PPIL6: variants seen among roughly 807,000 people sequenced by gnomAD.
PPIL6 encodes the protein peptidylprolyl isomerase like 6, also known as probable inactive peptidyl-prolyl cis-trans isomerase-like 6.
Under a neutral mutation model 36.8 loss-of-function variants are expected in PPIL6, and 39 were observed. The observed-to-expected ratio is 1.06, with a 90% CI of 0.82 to 1.38. The LOEUF (loss-of-function observed/expected upper bound fraction) is 1.38, where lower values mean the gene tolerates loss of function less well. Ranked by LOEUF, PPIL6 falls within the 40% of genes most tolerant of loss-of-function variation. PPIL6 has a pLI of 0.00. For synonymous variants in PPIL6, 123 were observed against 134.1 expected, an observed-to-expected ratio of 0.92 and a Z score of 0.57; for missense variants, 368 against 379.1, an observed-to-expected ratio of 0.97 and a Z score of 0.24.
chr6:109,439,179 A>G (rs1414022969), intron 1 of PPIL6, among the ~76,000 whole-genome samples: 1 of 152,238 alleles, frequency 6.6e-6, no homozygotes, highest in African/African-American at 2.4e-5. Context: ...GAGCGAAAAA[A>G]AAGAGAAAAA....
At chr6:109,401,727 T>C (rs1278980446) in intron 6 of PPIL6, among the ~76,000 whole-genome samples, 1 of 106,192 alleles carries the variant, frequency 9.4e-6, no homozygotes, top group Non-Finnish European at 1.8e-5. Flanking sequence ...AGAGAGTTTT[T>C]CTTTTTTTTT....
At chr6:109,405,884 C>T (rs968954148) in intron 6 of PPIL6, among the ~76,000 whole-genome samples, 8 of 152,156 alleles carry the variant, frequency 5.3e-5, no homozygotes, top group African/African-American at 1.7e-4. Flanking sequence ...ATGTATGTTT[C>T]GTGACCATTT....
intron 1 of PPIL6, 183 bp downstream of exon 1, chr6:109,440,272 GC>G (rs1365962682): frequency 2.7e-6 from 2 of 751,054 alleles, no homozygotes; most frequent in Non-Finnish European, 4.5e-6. Flanking sequence ...ACCCGCACTT[GC>G]CCCCCTATAC....
chr6:109,403,593 GAAC>G (rs1327678304), intron 6 of PPIL6, among the ~76,000 whole-genome samples: 2 of 151,954 alleles, frequency 1.3e-5, no homozygotes, highest in Non-Finnish European at 2.9e-5. Context: ...GTATGTGTGG[GAAC>G]AACCTACACA....
intron 1 of PPIL6, 74 bp downstream of exon 1, chr6:109,440,382 G>T: frequency 6.7e-7 from 1 of 1,498,870 alleles, no homozygotes; most frequent in South Asian, 1.2e-5. Flanking sequence ...GAGGAGGCGC[G>T]GCGCCTGCAG....
At chr6:109,440,784 G>A (rs1222082389), upstream of PPIL6, 8 of 341,076 alleles carry the variant, frequency 2.3e-5, no homozygotes, top group Admixed American at 5.1e-5. Flanking sequence ...CGCCGGGGAC[G>A]AGCTTGGAGG....
intron 5 of PPIL6, among the ~76,000 whole-genome samples, chr6:109,424,517 C>A (rs1353087533): frequency 6.6e-6 from 1 of 152,164 alleles, no homozygotes; most frequent in Non-Finnish European, 1.5e-5. Flanking sequence ...TCTACATAGT[C>A]CCGTGGTATC....
intron 7 of PPIL6, among the ~76,000 whole-genome samples, 189 bp downstream of exon 7, chr6:109,399,846 C>A (rs1772454981): frequency 6.6e-6 from 1 of 152,174 alleles, no homozygotes; most frequent in South Asian, 2.1e-4. Flanking sequence ...TGGCCAGTTT[C>A]TGTGTTTTTA....
intron 3 of PPIL6, among the ~76,000 whole-genome samples, chr6:109,427,457 C>T (rs909341702): frequency 3.3e-5 from 5 of 152,128 alleles, no homozygotes; most frequent in Non-Finnish European, 1.5e-5. Flanking sequence ...CATCTTGGCT[C>T]ATTGCAGCCT....
rs1239692123 is a variant in PPIL6 at position 109,413,198 on chromosome 6, T to G, written c.688+5989A>C. Among the ~76,000 whole-genome samples the G allele has an allele frequency of 2.6e-5, 4 of 151,932 alleles. No individual in the cohort carries two copies. Among genetic ancestry groups the G allele is most frequent in the Admixed American group, 2.6e-4 (4 of 15,244 alleles). On this transcript the variant is annotated intron_variant, in intron 6 of 7. Transcript: ENST00000521072. This position sits in a 1 kb window ranked among gnomAD's most constrained non-coding sequence, Gnocchi z 4.6. ...ACAAACAAAAACCCACAGAAAATAT[T>G]TGCAAACTACCCATCTGACGAGGGA... is the stretch of plus-strand genomic sequence containing the variant.
Position 109,391,012 on chromosome 6 carries a change from T to C in PPIL6, c.*1814A>G, listed in dbSNP as rs941838501. The stretch of plus-strand genomic sequence containing the variant: ...GGTAAGAAAAGCACTCTCAGCCGGG[T>C]GCGGTGGCTCACGCCTTTGTAATCT... On this transcript the variant is annotated 3_prime_UTR_variant, in exon 8 of 8. Transcript: ENST00000521072. The C allele has an allele frequency of 2.6e-5, 4 of 151,898 alleles. No homozygotes were observed. The highest frequency in any genetic ancestry group is 5.9e-5 in the Non-Finnish European group (4 of 68,016). The allele number at this position is 151,898 out of a possible 1,614,324, so 9.4% of individuals were successfully genotyped here. A position where few individuals can be genotyped will look rare whatever the true frequency, so the allele number is the denominator to read the frequency against.
chr6:109,408,941 C>T (rs1772903924), intron 6 of PPIL6, among the ~76,000 whole-genome samples: 1 of 152,164 alleles, frequency 6.6e-6, no homozygotes, highest in African/African-American at 2.4e-5. Flanking sequence ...AGGCCACTAC[C>T]TCTGATGAAT....
intron 6 of PPIL6, among the ~76,000 whole-genome samples, chr6:109,407,978 T>A (rs1169202679): frequency 6.6e-6 from 1 of 152,182 alleles, no homozygotes; most frequent in East Asian, 1.9e-4. Context: ...CTGAATATAA[T>A]AAATTCACAA....
intron 3 of PPIL6, among the ~76,000 whole-genome samples, chr6:109,428,966 G>A (rs2115271533): frequency 6.6e-6 from 1 of 152,282 alleles, no homozygotes; most frequent in South Asian, 2.1e-4. Flanking sequence ...TTATGAGATA[G>A]TCCAGAATAG....
intron 6 of PPIL6, among the ~76,000 whole-genome samples, chr6:109,414,566 C>G: frequency 6.9e-6 from 1 of 145,608 alleles, no homozygotes; most frequent in African/African-American, 2.6e-5. Context: ...CTCACTGCAG[C>G]CTCTGCCTCC....
At chr6:109,417,069 T>C (rs1773298203) in intron 6 of PPIL6, among the ~76,000 whole-genome samples, 1 of 151,272 alleles carries the variant, frequency 6.6e-6, no homozygotes, top group African/African-American at 2.4e-5. Context: ...ACCTGGGAGG[T>C]TGAGGCAGGA....
At chr6:109,409,304 G>A (rs577310415) in intron 6 of PPIL6, among the ~76,000 whole-genome samples, 5 of 152,174 alleles carry the variant, frequency 3.3e-5, no homozygotes, top group Non-Finnish European at 7.4e-5. Context: ...GCTCACGCCT[G>A]TAATCCCAGC....
In PPIL6 at chr6:109,402,437, T is replaced by C. The variant is rs558066188; in HGVS notation, c.689-2267A>G. ...TGTAATCCCAGCCACTTAGGAGGCT[T>C]AGGCACAAGAATCGCTTGAACCCAG... On this transcript the variant is annotated intron_variant, in intron 6 of 7. Coordinates refer to ENST00000521072, the MANE Select transcript of PPIL6 (RefSeq NM_173672.5). Among the ~76,000 whole-genome samples the C allele has an allele frequency of 2.4e-4, 37 of 151,942 alleles. No homozygotes were observed. In the South Asian group the frequency reaches 7.1e-3, roughly 29 times the overall value.
chr6:109,405,059 G>GAA (rs34887926), intron 6 of PPIL6: 1,817 of 344,822 alleles, frequency 5.3e-3, no homozygotes, highest in South Asian at 9.0e-3. Flanking sequence ...CTCAAAAAAG[G>GAA]AAAAAAAAAA....
Sources: gnomAD v4.1 joint callset for allele counts (sites outside exome capture counted in the v4.1 genomes callset) on GRCh38, gnomAD v4.1.1 for gene constraint, Gnocchi (gnomAD v3.1) non-coding constraint, MANE v1.5 for transcripts, NCBI Gene and HGNC (gene_info 2026-07-23, HGNC 2026-07-21) for gene names.